Variants in DROSHA observed in about 807,000 individuals in gnomAD.
DROSHA encodes the protein ribonuclease 3.
DROSHA carries 56 observed loss-of-function variants against 181.9 expected under a neutral mutation model. The ratio of observed to expected loss-of-function variants is 0.31; its 90% CI spans 0.25 to 0.38. The LOEUF is 0.38. DROSHA is among the 10% of genes least tolerant of loss of function. The pLI is 1.00. For missense variants in DROSHA, 1,218 were observed against 1,743.5 expected, an observed-to-expected ratio of 0.70 and a Z score of 5.37; for synonymous variants, 524 against 591.2, an observed-to-expected ratio of 0.89 and a Z score of 1.65.
chr5:31,452,777 T>C (rs541006349), intron 20 of DROSHA, among the ~76,000 whole-genome samples: 8 of 152,338 alleles, frequency 5.3e-5, no homozygotes, highest in Non-Finnish European at 8.8e-5. Flanking sequence ...ATTCAGTAAG[T>C]ATATAATTGA....
In DROSHA at chr5:31,409,402, G is replaced by A. The variant is rs1741030544; in HGVS notation, c.3668-70C>T. 2 of 1,439,368 alleles carry A rather than the reference G, an allele frequency of 1.4e-6. No homozygotes were observed. 89.2% of individuals were successfully genotyped at this position (1,439,368 alleles called of 1,614,324 possible). On this transcript the variant is annotated intron_variant, in intron 31 of 35. Coordinates refer to ENST00000344624, the MANE Select transcript of DROSHA (RefSeq NM_001382508.1). The surrounding 1 kb of genome is among the most constrained non-coding windows in gnomAD (Gnocchi z 4.0). ...TCTATCAGAAAGAGTAAGAGACCTA[G>A]ACCTTTAAGCAAAATTTTAGTAATA...
At chr5:31,520,188 A>G (rs1381664119) in intron 6 of DROSHA, among the ~76,000 whole-genome samples, 1 of 152,146 alleles carries the variant, frequency 6.6e-6, no homozygotes, top group African/African-American at 2.4e-5. Flanking sequence ...TTTCTTAGAA[A>G]TCAACCCATC....
At chr5:31,482,545 T>A (rs1388520875) in intron 16 of DROSHA, among the ~76,000 whole-genome samples, 2 of 152,204 alleles carry the variant, frequency 1.3e-5, no homozygotes, top group South Asian at 4.1e-4. Flanking sequence ...CAAGGTTTTA[T>A]CTTAAGATTA....
At chr5:31,405,764 ATTCTTTTT>A in intron 34 of DROSHA, 41 bp from the exon 35 acceptor site, 1 of 544,948 alleles carries the variant, frequency 1.8e-6, no homozygotes, top group South Asian at 3.4e-5. Flanking sequence ...TAATTTCAAG[ATTCTTTTT>A]TTTTTTTTTT....
Position 31,409,633 on chromosome 5 carries a change from C to A in DROSHA, c.3668-301G>T, listed in dbSNP as rs1031779702. On this transcript the variant is annotated intron_variant, in intron 31 of 35. Transcript: ENST00000344624. The surrounding 1 kb of genome is among the most constrained non-coding windows in gnomAD (Gnocchi z 4.0). ...ATATCAGGGAAAAAATGCTGAGCACCCAACCCTGTTCACATCAAATAAGTC... is the reference window on the plus strand; with the variant it reads ...ATATCAGGGAAAAAATGCTGAGCACACAACCCTGTTCACATCAAATAAGTC... 1 of 333,778 alleles carries A rather than the reference C, an allele frequency of 3.0e-6. No individual in the cohort carries two copies. The highest frequency in any genetic ancestry group is 5.6e-6 in the Non-Finnish European group (1 of 178,854). The allele number at this position is 333,778 out of a possible 1,614,324, so 20.7% of individuals were successfully genotyped here.
chr5:31,428,327 C>G (rs1046536586), intron 27 of DROSHA, among the ~76,000 whole-genome samples: 4 of 151,990 alleles, frequency 2.6e-5, no homozygotes, highest in African/African-American at 7.3e-5. Flanking sequence ...GACACACAGA[C>G]AAGACTGCAG....
intron 27 of DROSHA, among the ~76,000 whole-genome samples, chr5:31,427,561 T>C (rs530407175): frequency 2.8e-4 from 42 of 152,312 alleles, no homozygotes; most frequent in African/African-American, 8.9e-4. Flanking sequence ...TCACCGCAGA[T>C]ACTTAATCGC....
chr5:31,405,994 CATT>C (rs1740610380), intron 34 of DROSHA, among the ~76,000 whole-genome samples: 1 of 151,714 alleles, frequency 6.6e-6, no homozygotes, highest in Non-Finnish European at 1.5e-5. Flanking sequence ...AAATGCCTTC[CATT>C]TATGTTAGGT....
chr5:31,449,801 A>G lies in DROSHA; in HGVS notation c.2683-382T>C, dbSNP rs116220082. Among the ~76,000 whole-genome samples, 654 of 152,276 alleles carry G rather than the reference A, an allele frequency of 4.3e-3. 5 individuals carry two copies. The highest frequency in any genetic ancestry group is 0.015 in the African/African-American group (617 of 41,554). ...TCATCCCAAATTAAGCAGGAAAGGG[A>G]GCTGTCTATCCAGTTGAATTCTAAG... On this transcript the variant is annotated intron_variant, in intron 21 of 35. Coordinates refer to ENST00000344624, the MANE Select transcript of DROSHA (RefSeq NM_001382508.1).
chr5:31,498,011 G>GT (rs1753185019), intron 11 of DROSHA, among the ~76,000 whole-genome samples: 1 of 152,216 alleles, frequency 6.6e-6, no homozygotes, highest in Non-Finnish European at 1.5e-5. Flanking sequence ...GCTTATACCT[G>GT]TATTCAGTCC....
chr5:31,493,513 G>A (rs746214890), intron 12 of DROSHA, among the ~76,000 whole-genome samples: 2 of 152,128 alleles, frequency 1.3e-5, no homozygotes, highest in East Asian at 1.9e-4. Context: ...AATATTATGG[G>A]TGCCATAAAT....
At chr5:31,525,503 CAAA>C (rs397970711) in intron 5 of DROSHA, among the ~76,000 whole-genome samples, 13 of 36,150 alleles carry the variant, frequency 3.6e-4, no homozygotes, top group African/African-American at 1.1e-3. Context: ...GATTCTGTCA[CAAA>C]AAAAAAAAAA....
rs1356604664 is a variant in DROSHA, at chr5:31,515,542, G to A, written c.970C>T (p.Pro324Ser). 6.4e-7 allele frequency: 1 copy of A among 1,550,586 alleles called. No individual in the cohort carries two copies. The highest frequency in any genetic ancestry group is 1.4e-5 in the African/African-American group (1 of 73,132). ...TCTGGTGTGCATCCAGCAGGTTCAG[G>A]AACAACCGATAAACCGTAACTCCTA... ...SGRSYGLSVV[P>S]EPAGCTPELP... Residue 324 changes from proline to serine, a missense_variant, in exon 7 of 36, where the codon CCT (proline) becomes TCT (serine). Pro to Ser is a moderately conservative substitution (Grantham distance 74). Around this residue, in one of 8 missense-constraint regions of DROSHA, gnomAD observed 536 missense variants for 535.4 expected, o/e 1.00. Transcript: ENST00000344624.
In DROSHA at chr5:31,400,957, C is replaced by A; in HGVS notation, c.*475G>T. ...TAGAGAGAGGTAAGTTCAATATTTG[C>A]AGCTGATAACTTGATGAACAGCCAC... On this transcript the variant is annotated 3_prime_UTR_variant, in exon 36 of 36. Transcript: ENST00000344624. 1 of 171,084 alleles carries A rather than the reference C, an allele frequency of 5.8e-6. No individual in the cohort carries two copies. Among genetic ancestry groups the A allele is most frequent in the Non-Finnish European group, 1.3e-5 (1 of 79,970 alleles). 10.6% of individuals were successfully genotyped at this position (171,084 alleles called of 1,614,324 possible).
chr5:31,488,202 A>G (rs550444385), intron 13 of DROSHA, among the ~76,000 whole-genome samples: 342 of 151,432 alleles, frequency 2.3e-3, no homozygotes, highest in African/African-American at 7.9e-3. Context: ...GGATCAACTG[A>G]GTTCAGGAGT....
chr5:31,444,322 C>G (rs79244517), intron 23 of DROSHA, among the ~76,000 whole-genome samples: 192 of 152,244 alleles, frequency 1.3e-3, no homozygotes, highest in African/African-American at 4.5e-3. Flanking sequence ...AGATCATATT[C>G]AAGGAAAGAG....
At chr5:31,492,295 A>G (rs1408947906) in intron 13 of DROSHA, among the ~76,000 whole-genome samples, 1 of 152,242 alleles carries the variant, frequency 6.6e-6, no homozygotes, top group Non-Finnish European at 1.5e-5. Context: ...CTATGGAATC[A>G]TATCTACTTA....
chr5:31,510,723 T>G (rs936067255), intron 9 of DROSHA, among the ~76,000 whole-genome samples: 1 of 152,204 alleles, frequency 6.6e-6, no homozygotes, highest in African/African-American at 2.4e-5. Context: ...CCTGTCCTCA[T>G]GAGAGGCAGG....
Position 31,515,305 on chromosome 5 carries a change from T to C in DROSHA, c.1059-86A>G, listed in dbSNP as rs989010069. 4 of 1,416,930 alleles carry C rather than the reference T, an allele frequency of 2.8e-6. No homozygotes were observed. In the African/African-American group the frequency reaches 5.8e-5, roughly 20 times the overall value. The allele number at this position is 1,416,930 out of a possible 1,614,324, so 87.8% of individuals were successfully genotyped here. A position where few individuals can be genotyped will look rare whatever the true frequency, so the allele number is the denominator to read the frequency against. ...CTATTTCACCTATTTGGTGCATTTT[T>C]CACCTAAAATATGAATACCATGCCA... is the stretch of plus-strand genomic sequence containing the variant. On this transcript the variant is annotated intron_variant, in intron 7 of 35. Transcript: ENST00000344624.
Sources: allele counts gnomAD v4.1 joint callset (sites outside exome capture counted in the v4.1 genomes callset), GRCh38; gene constraint gnomAD v4.1.1; regional missense constraint gnomAD v4.1.1; non-coding constraint Gnocchi (gnomAD v3.1); transcripts MANE v1.5; gene names NCBI Gene and HGNC (gene_info 2026-07-23, HGNC 2026-07-21).